The following SLC9A9 variants were observed in gnomAD, a reference collection of about 807,000 sequenced individuals.
SLC9A9 encodes solute carrier family 9 member A9, also known as sodium/hydrogen exchanger 9.
A neutral mutation model predicts 77.8 loss-of-function variants in SLC9A9; 62 were observed. The observed-to-expected ratio is 0.80, with a 90% CI of 0.65 to 0.98. The LOEUF (loss-of-function observed/expected upper bound fraction) is 0.98. Among genes scored for constraint, SLC9A9 ranks in the 50% least tolerant of loss-of-function variants. The probability of loss-of-function intolerance (pLI) is 0.00; values close to 1 mark genes in which losing one functional copy is unlikely to be tolerated. For synonymous variants in SLC9A9, 320 were observed against 283.5 expected (o/e 1.13, Z -1.29); for missense variants, 775 against 774.9 (o/e 1.00, Z 0.00).
At chr3:143,338,466 C>T (rs547970748) in intron 14 of SLC9A9, among the ~76,000 whole-genome samples, 7 of 152,096 alleles carry the variant, frequency 4.6e-5, no homozygotes, top group Non-Finnish European at 7.4e-5. Flanking sequence ...AAGCAGTAAG[C>T]GAGAGAGCTA....
At chr3:143,829,110 A>G (rs2009372286) in intron 2 of SLC9A9, among the ~76,000 whole-genome samples, 1 of 152,146 alleles carries the variant, frequency 6.6e-6, no homozygotes, top group African/African-American at 2.4e-5. Context: ...TGTTTTGCCC[A>G]TCTATGAAAT....
chr3:143,276,197 A>G (rs1428121841), intron 14 of SLC9A9, among the ~76,000 whole-genome samples: 1 of 152,184 alleles, frequency 6.6e-6, no homozygotes, highest in Non-Finnish European at 1.5e-5. Context: ...CCTTACTGAG[A>G]CCATCTAGTT....
intron 9 of SLC9A9, among the ~76,000 whole-genome samples, chr3:143,501,187 A>G (rs2035918021): frequency 6.6e-6 from 1 of 150,788 alleles, no homozygotes; most frequent in African/African-American, 2.5e-5. Flanking sequence ...GAAATAGTTA[A>G]ATAAATTATA....
intron 14 of SLC9A9, among the ~76,000 whole-genome samples, chr3:143,285,458 G>A (rs963125537): frequency 1.3e-5 from 2 of 152,156 alleles, no homozygotes; most frequent in Non-Finnish European, 2.9e-5. Flanking sequence ...GCCAGCCATG[G>A]CTACATAAGT....
intron 2 of SLC9A9, among the ~76,000 whole-genome samples, chr3:143,798,067 T>C (rs543767580): frequency 1.6e-4 from 25 of 152,248 alleles, no homozygotes; most frequent in Non-Finnish European, 2.9e-4. Flanking sequence ...CCAAGGAACA[T>C]CTCACCAATT....
intron 6 of SLC9A9, among the ~76,000 whole-genome samples, chr3:143,633,082 T>A (rs987053723): frequency 3.3e-5 from 5 of 152,230 alleles, no homozygotes; most frequent in Admixed American, 1.3e-4. Context: ...CATCCCTTCA[T>A]TGGATTCTTA....
chr3:143,486,925 C>T (rs1461953180), intron 11 of SLC9A9, among the ~76,000 whole-genome samples: 1 of 151,932 alleles, frequency 6.6e-6, no homozygotes, highest in African/African-American at 2.4e-5. Flanking sequence ...GAACCTCTTT[C>T]TTACCAGTAA....
chr3:143,291,871 T>G (rs2029996332), intron 14 of SLC9A9, among the ~76,000 whole-genome samples: 1 of 152,172 alleles, frequency 6.6e-6, no homozygotes, highest in Admixed American at 6.5e-5. Flanking sequence ...AGGAGCAAAG[T>G]CAGGAAATGC....
At chr3:143,295,674 C>A (rs943740506) in intron 14 of SLC9A9, among the ~76,000 whole-genome samples, 3 of 152,168 alleles carry the variant, frequency 2.0e-5, no homozygotes, top group African/African-American at 7.2e-5. Context: ...CATATCCATC[C>A]TCATAGCTAA....
chr3:143,442,493 GGGTAGATCACCTGA>G (rs1351397073), intron 12 of SLC9A9, among the ~76,000 whole-genome samples: 1 of 152,084 alleles, frequency 6.6e-6, no homozygotes, highest in Admixed American at 6.5e-5. Flanking sequence ...AGGCTGAGGC[GGGTAGATCACCTGA>G]GGTAGGAGTT....
chr3:143,438,683 A>G (rs760898508), intron 12 of SLC9A9, among the ~76,000 whole-genome samples: 22 of 152,188 alleles, frequency 1.4e-4, no homozygotes, highest in South Asian at 6.2e-4. Flanking sequence ...CCCACAGGGT[A>G]TGGGGCTCTC....
rs182625594 is a variant in SLC9A9, at chr3:143,832,006, A to G, written c.378+13T>C. 9.2e-3 allele frequency: 14,810 copies of G among 1,606,090 alleles called. 88 individuals are homozygous for G. The highest frequency in any genetic ancestry group is 0.011 in the Non-Finnish European group (13,218 of 1,174,386). ...CTGTAAAACAAATATATAATACCAGACAGGATCCTTACCTTTTCAAGTATA... is the reference window on the plus strand; with the variant it reads ...CTGTAAAACAAATATATAATACCAGGCAGGATCCTTACCTTTTCAAGTATA... On this transcript the variant is annotated intron_variant, in intron 2 of 15. Coordinates refer to ENST00000316549, the MANE Select transcript of SLC9A9 (RefSeq NM_173653.4).
chr3:143,432,651 C>T (rs574566094), intron 12 of SLC9A9, among the ~76,000 whole-genome samples: 18 of 152,184 alleles, frequency 1.2e-4, no homozygotes, highest in Non-Finnish European at 2.1e-4. Flanking sequence ...TTTTTTGAGA[C>T]GGAGTCTCAT....
intron 14 of SLC9A9, chr3:143,346,841 T>C (rs1214179776): frequency 6.6e-6 from 1 of 151,934 alleles, no homozygotes; most frequent in African/African-American, 2.4e-5. Flanking sequence ...GGGAAAGAAA[T>C]AAAATACTAA....
chr3:143,507,303 G>A (rs1576542926), intron 9 of SLC9A9, among the ~76,000 whole-genome samples: 2 of 152,186 alleles, frequency 1.3e-5, no homozygotes, highest in East Asian at 3.9e-4. Context: ...TGCCTCCTGT[G>A]TTCACGCCAT....
At chr3:143,761,986 A>G (rs1023535362) in intron 4 of SLC9A9, among the ~76,000 whole-genome samples, 2 of 152,238 alleles carry the variant, frequency 1.3e-5, no homozygotes, top group African/African-American at 4.8e-5. Flanking sequence ...TGTGGCATAT[A>G]TACACCATGG....
intron 4 of SLC9A9, among the ~76,000 whole-genome samples, chr3:143,774,233 C>T (rs2007620756): frequency 6.6e-6 from 1 of 152,160 alleles, no homozygotes; most frequent in African/African-American, 2.4e-5. Context: ...ACCACGTCAC[C>T]TTTCGGGACT....
chr3:143,834,855 T>A (rs565292377), intron 1 of SLC9A9, among the ~76,000 whole-genome samples: 1 of 152,104 alleles, frequency 6.6e-6, no homozygotes, highest in Non-Finnish European at 1.5e-5. Flanking sequence ...GTAATATCCA[T>A]GAAAATGTAC....
chr3:143,583,241 C>T (rs1006209509), intron 6 of SLC9A9, among the ~76,000 whole-genome samples: 2 of 152,032 alleles, frequency 1.3e-5, no homozygotes, highest in African/African-American at 4.8e-5. Flanking sequence ...TTCTGTTCAA[C>T]AATAGATTAT....
Sources: gnomAD v4.1 joint callset for allele counts (sites outside exome capture counted in the v4.1 genomes callset) on GRCh38, gnomAD v4.1.1 for gene constraint, MANE v1.5 for transcripts, NCBI Gene and HGNC (gene_info 2026-07-23, HGNC 2026-07-21) for gene names.